The following FAM135A variants were observed in gnomAD, a reference collection of about 807,000 sequenced individuals.
FAM135A encodes the protein family with sequence similarity 135 member A, also known as protein FAM135A.
FAM135A carries 79 observed loss-of-function variants against 146.8 expected under a neutral mutation model. That is an observed-to-expected ratio of 0.54 (90% CI 0.45 to 0.65). FAM135A has a LOEUF of 0.65. FAM135A is among the 30% of genes least tolerant of loss of function. The pLI, the probability that FAM135A is intolerant of heterozygous loss-of-function variation, is 0.00. For synonymous variants in FAM135A, 562 were observed against 603.6 expected (o/e 0.93, Z 1.01); for missense variants, 1,623 against 1,758.2 (o/e 0.92, Z 1.38).
intron 20 of FAM135A, among the ~76,000 whole-genome samples, chr6:70,545,070 AACAAACAAAC>A (rs779911036): frequency 4.0e-5 from 6 of 151,852 alleles, no homozygotes; most frequent in East Asian, 3.9e-4. Flanking sequence ...AACAAACAAA[AACAAACAAAC>A]AAAAAAAACC....
intron 2 of FAM135A, among the ~76,000 whole-genome samples, chr6:70,420,629 A>G (rs933390487): frequency 1.3e-5 from 2 of 152,220 alleles, no homozygotes; most frequent in Non-Finnish European, 2.9e-5. Flanking sequence ...ATGGCTTGGT[A>G]TTCCTAGACT....
chr6:70,460,080 A>G (rs771487650), intron 5 of FAM135A, among the ~76,000 whole-genome samples: 2 of 152,190 alleles, frequency 1.3e-5, no homozygotes, highest in South Asian at 2.1e-4. Context: ...AGTAAAAACT[A>G]TAGCTTGTTT....
chr6:70,541,483 G>T (rs1158920896), intron 20 of FAM135A, among the ~76,000 whole-genome samples: 1 of 151,838 alleles, frequency 6.6e-6, no homozygotes, highest in East Asian at 1.9e-4. Context: ...ACCTCTCCTG[G>T]TTTTTTTCCA....
At chr6:70,542,545 G>GT (rs1183835491) in intron 20 of FAM135A, among the ~76,000 whole-genome samples, 1 of 152,082 alleles carries the variant, frequency 6.6e-6, no homozygotes, top group Non-Finnish European at 1.5e-5. Flanking sequence ...TACCTTTGGG[G>GT]TTTTTTGAGA....
intron 4 of FAM135A, among the ~76,000 whole-genome samples, chr6:70,436,045 A>C (rs1478296452): frequency 6.6e-6 from 1 of 152,060 alleles, no homozygotes; most frequent in Non-Finnish European, 1.5e-5. Flanking sequence ...TTAGCCAGGC[A>C]TGGTGGTGGG....
chr6:70,451,292 C>T (rs1330676405), intron 4 of FAM135A, among the ~76,000 whole-genome samples: 1 of 152,010 alleles, frequency 6.6e-6, no homozygotes, highest in Non-Finnish European at 1.5e-5. Flanking sequence ...AAGCATGTAC[C>T]ACTGTTTAGT....
chr6:70,543,531 A>G (rs935574571), intron 20 of FAM135A, among the ~76,000 whole-genome samples: 2 of 152,236 alleles, frequency 1.3e-5, no homozygotes, highest in East Asian at 3.8e-4. Context: ...CAGAGCATCA[A>G]TGGTAAGTTT....
intron 9 of FAM135A, 88 bp from the exon 10 acceptor site, chr6:70,481,913 T>C: frequency 7.8e-7 from 1 of 1,275,486 alleles, no homozygotes; most frequent in Non-Finnish European, 1.1e-6. Context: ...TGACAGATGG[T>C]TAAGTATTTT....
At chr6:70,518,065 A>G (rs1270818195) in intron 12 of FAM135A, among the ~76,000 whole-genome samples, 1 of 152,230 alleles carries the variant, frequency 6.6e-6, no homozygotes, top group Non-Finnish European at 1.5e-5. Flanking sequence ...GAAAGCCAAG[A>G]TAGACTGCAA....
At chr6:70,545,422 G>C (rs560717093) in intron 20 of FAM135A, among the ~76,000 whole-genome samples, 95 of 152,108 alleles carry the variant, frequency 6.2e-4, no homozygotes, top group African/African-American at 2.2e-3. Context: ...AGACCAGTCT[G>C]GCCAACATGG....
chr6:70,427,949 A>G (rs1478356159), intron 3 of FAM135A, among the ~76,000 whole-genome samples: 1 of 152,212 alleles, frequency 6.6e-6, no homozygotes, highest in East Asian at 1.9e-4. Flanking sequence ...AATGTAGCAC[A>G]AGAAGAGAAT....
intron 4 of FAM135A, among the ~76,000 whole-genome samples, chr6:70,428,996 G>T (rs186346569): frequency 3.5e-4 from 54 of 152,250 alleles, no homozygotes; most frequent in Non-Finnish European, 6.2e-4. Flanking sequence ...TTTTGGCTAA[G>T]ATCAATAAGT....
intron 15 of FAM135A, among the ~76,000 whole-genome samples, chr6:70,527,510 A>T (rs1305357934): frequency 6.6e-6 from 1 of 152,246 alleles, no homozygotes; most frequent in East Asian, 1.9e-4. Flanking sequence ...AATAAAGTTT[A>T]TATCACCGTC....
intron 12 of FAM135A, among the ~76,000 whole-genome samples, chr6:70,511,164 A>G (rs73485118): frequency 0.046 from 7,027 of 152,010 alleles, 362 homozygotes; most frequent in African/African-American, 0.11. Context: ...AGTTATTTAT[A>G]TATTCTGGTA....
chr6:70,425,930 T>C (rs9446246), intron 2 of FAM135A, among the ~76,000 whole-genome samples: 43,215 of 151,268 alleles, frequency 0.29, 8,324 homozygotes, highest in African/African-American at 0.55. Context: ...GGTGAAACCC[T>C]GTTTCTACTA....
intron 5 of FAM135A, among the ~76,000 whole-genome samples, chr6:70,463,508 C>A (rs1024972476): frequency 1.3e-5 from 2 of 152,060 alleles, no homozygotes; most frequent in African/African-American, 4.8e-5. Flanking sequence ...AGTCTTCTCA[C>A]CTCTGCCTCC....
At chr6:70,536,434 A>T in intron 19 of FAM135A, 23 bp downstream of exon 19, 1 of 1,548,180 alleles carries the variant, frequency 6.5e-7, no homozygotes, top group Non-Finnish European at 8.7e-7. Context: ...ATTGTTCTGT[A>T]TTAAAAATAT....
chr6:70,484,869 A>G (rs1354981863), intron 10 of FAM135A, among the ~76,000 whole-genome samples: 1 of 152,220 alleles, frequency 6.6e-6, no homozygotes. Flanking sequence ...TAGCTTCAGC[A>G]TGATCATGTA....
chr6:70,495,248 C>T (rs1786953566), intron 11 of FAM135A, among the ~76,000 whole-genome samples: 1 of 152,080 alleles, frequency 6.6e-6, no homozygotes, highest in African/African-American at 2.4e-5. Flanking sequence ...AAAATGTAAA[C>T]ACTTTCCATA....
Sources: allele counts gnomAD v4.1 joint callset (sites outside exome capture counted in the v4.1 genomes callset), GRCh38; gene constraint gnomAD v4.1.1; transcripts MANE v1.5; gene names NCBI Gene and HGNC (gene_info 2026-07-23, HGNC 2026-07-21).